Variants in NELL1 observed in about 807,000 individuals in gnomAD.
The protein encoded by NELL1 is protein kinase C-binding protein NELL1.
In NELL1, 76 loss-of-function variants were observed where a neutral mutation model predicts 107.4. The ratio of observed to expected loss-of-function variants is 0.71; its 90% CI spans 0.59 to 0.86. NELL1 has a LOEUF of 0.86. Ranked by LOEUF, NELL1 falls within the 40% of genes least tolerant of loss-of-function variation. NELL1 has a pLI of 0.00. For synonymous variants in NELL1, 353 were observed against 341.2 expected (o/e 1.03, Z -0.38); for missense variants, 1,024 against 1,005.5 (o/e 1.02, Z -0.25).
chr11:21,204,987 C>A (rs1791852), intron 13 of NELL1, among the ~76,000 whole-genome samples: 1 of 151,996 alleles, frequency 6.6e-6, no homozygotes, highest in African/African-American at 2.4e-5. Context: ...CTGGAAGCTT[C>A]GTCCCAGAGG....
At chr11:21,458,512 CAG>C (rs1853808727) in intron 15 of NELL1, among the ~76,000 whole-genome samples, 1 of 152,058 alleles carries the variant, frequency 6.6e-6, no homozygotes, top group African/African-American at 2.4e-5. Context: ...GGTGTATTCA[CAG>C]AGTAGTCACA....
At chr11:21,500,971 G>A (rs1477415194) in intron 15 of NELL1, among the ~76,000 whole-genome samples, 2 of 152,046 alleles carry the variant, frequency 1.3e-5, no homozygotes, top group African/African-American at 4.8e-5. Flanking sequence ...GAGTATTTAG[G>A]TATTTTACTG....
chr11:20,986,646 A>G (rs73458747), intron 12 of NELL1, among the ~76,000 whole-genome samples: 112 of 152,248 alleles, frequency 7.4e-4, no homozygotes, highest in African/African-American at 2.6e-3. Context: ...TTCCCAGAAG[A>G]CACAGCATCC....
At chr11:21,558,406 A>G (rs868498302) in intron 16 of NELL1, among the ~76,000 whole-genome samples, 1 of 151,906 alleles carries the variant, frequency 6.6e-6, no homozygotes, top group African/African-American at 2.4e-5. Context: ...CATAATATAT[A>G]TATATATATT....
intron 12 of NELL1, among the ~76,000 whole-genome samples, chr11:20,992,648 C>A (rs2134260272): frequency 6.6e-6 from 1 of 151,714 alleles, no homozygotes; most frequent in Admixed American, 6.5e-5. Context: ...GTCTTCTAAC[C>A]AATGTCCAGG....
chr11:20,862,605 C>CTTTTTTT lies in NELL1; in HGVS notation c.506+14869_506+14875dup, dbSNP rs386373288. Among the ~76,000 whole-genome samples the CTTTTTTT allele has an allele frequency of 1.7e-3, 163 of 94,660 alleles. 1 individual carries two copies. The highest frequency in any genetic ancestry group is 0.01 in the Middle Eastern group (1 of 96). The allele number at this position is 94,660 out of a possible 152,430, so 62.1% of individuals were successfully genotyped here. On this transcript the variant is annotated intron_variant, in intron 4 of 19. Coordinates refer to ENST00000357134, the MANE Select transcript of NELL1 (RefSeq NM_006157.5). Reference sequence around the variant, plus strand: ...GCCCTAAAAATCTTTTGAGCTGCTGCTTTTTTTTTTTTTTTTTTTTTTTAT... The same window carrying CTTTTTTT: ...GCCCTAAAAATCTTTTGAGCTGCTGCTTTTTTTTTTTTTTTTTTTTTTTTTTTTTTAT...
chr11:21,570,505 C>A (rs948093360), intron 17 of NELL1, among the ~76,000 whole-genome samples: 2 of 151,700 alleles, frequency 1.3e-5, no homozygotes, highest in Non-Finnish European at 2.9e-5. Flanking sequence ...TTTTTAAGAA[C>A]CCCTTTGAAA....
intron 15 of NELL1, among the ~76,000 whole-genome samples, chr11:21,413,834 C>T (rs1307081744): frequency 6.6e-6 from 1 of 152,052 alleles, no homozygotes; most frequent in South Asian, 2.1e-4. Context: ...ATCAATCCTT[C>T]CAGAGGTAAA....
chr11:20,987,744 G>T (rs61880768), intron 12 of NELL1, among the ~76,000 whole-genome samples: 11,913 of 152,048 alleles, frequency 0.078, 513 homozygotes, highest in African/African-American at 0.12. Context: ...CTTAAATTTC[G>T]TTGTACCTCA....
At chr11:21,334,115 T>C (rs907817508) in intron 14 of NELL1, among the ~76,000 whole-genome samples, 5 of 152,096 alleles carry the variant, frequency 3.3e-5, no homozygotes, top group African/African-American at 1.2e-4. Flanking sequence ...GACATTGATA[T>C]GTAAAAACCA....
At chr11:20,943,831 AG>A (rs1241710439) in intron 10 of NELL1, among the ~76,000 whole-genome samples, 1 of 152,162 alleles carries the variant, frequency 6.6e-6, no homozygotes, top group Non-Finnish European at 1.5e-5. Flanking sequence ...TGAATTTTAG[AG>A]GGGTAGATTG....
Position 20,677,730 on chromosome 11 carries a change from G to C in NELL1, c.56-202G>C, listed in dbSNP as rs554641513. Among the ~76,000 whole-genome samples the C allele has an allele frequency of 5.9e-5, 9 of 152,160 alleles. No individual in the cohort carries two copies. In the East Asian group the frequency reaches 1.7e-3, roughly 29 times the overall value. On this transcript the variant is annotated intron_variant, in intron 1 of 19. Transcript: ENST00000357134. ...TTATCAATCCATAATTGGGGGTGGGGTTGGGGGAAGGAACAAAGAAACTAC... is the reference window on the plus strand; with the variant it reads ...TTATCAATCCATAATTGGGGGTGGGCTTGGGGGAAGGAACAAAGAAACTAC...
chr11:20,956,432 G>T (rs1368591869), intron 11 of NELL1, among the ~76,000 whole-genome samples: 4 of 152,028 alleles, frequency 2.6e-5, no homozygotes, highest in Non-Finnish European at 4.4e-5. Flanking sequence ...AGATCACGAG[G>T]TCAGGAGATT....
At chr11:21,237,024 T>C (rs1227854276) in intron 14 of NELL1, among the ~76,000 whole-genome samples, 3 of 152,146 alleles carry the variant, frequency 2.0e-5, no homozygotes, top group South Asian at 4.1e-4. Context: ...TACTGATATA[T>C]TGGCCAAATA....
intron 13 of NELL1, among the ~76,000 whole-genome samples, chr11:21,161,935 G>T: frequency 7.3e-6 from 1 of 136,368 alleles, no homozygotes; most frequent in African/African-American, 2.7e-5. Context: ...TTTTCTCTGG[G>T]AACATAATCT....
At chr11:21,564,816 A>G (rs892580070) in intron 17 of NELL1, among the ~76,000 whole-genome samples, 1 of 151,860 alleles carries the variant, frequency 6.6e-6, no homozygotes, top group South Asian at 2.1e-4. Context: ...GTCAAAGTGA[A>G]GAAGACCTTT....
chr11:21,197,422 A>G (rs932321674), intron 13 of NELL1, among the ~76,000 whole-genome samples: 1 of 4,448 alleles, frequency 2.2e-4, no homozygotes, highest in Non-Finnish European at 8.9e-3. Context: ...AACAACCAAA[A>G]AAAAAAAAAA....
At chr11:20,962,966 C>G (rs1433768899) in intron 12 of NELL1, among the ~76,000 whole-genome samples, 1 of 152,094 alleles carries the variant, frequency 6.6e-6, no homozygotes, top group Non-Finnish European at 1.5e-5. Context: ...AAGCAGGGGT[C>G]AAATACTGGG....
intron 2 of NELL1, among the ~76,000 whole-genome samples, chr11:20,744,591 T>C (rs1855963446): frequency 6.6e-6 from 1 of 152,220 alleles, no homozygotes; most frequent in South Asian, 2.1e-4. Flanking sequence ...GCTCCATAGG[T>C]GGTCCTTCTG....
Sources: gnomAD v4.1 joint callset for allele counts (sites outside exome capture counted in the v4.1 genomes callset) on GRCh38, gnomAD v4.1.1 for gene constraint, MANE v1.5 for transcripts, NCBI Gene and HGNC (gene_info 2026-07-23, HGNC 2026-07-21) for gene names.